Variants in DAB1 observed in about 807,000 individuals in gnomAD.
DAB1 encodes DAB adaptor protein 1.
In DAB1, 15 loss-of-function variants were observed where a neutral mutation model predicts 64.6. That is an observed-to-expected ratio of 0.23 (90% CI 0.16 to 0.36). DAB1 has a LOEUF of 0.36. Among genes scored for constraint, DAB1 ranks in the 10% least tolerant of loss-of-function variants. The probability of loss-of-function intolerance (pLI) is 1.00; values close to 1 mark genes in which losing one functional copy is unlikely to be tolerated. For missense variants in DAB1, 596 were observed against 706.7 expected (o/e 0.84, Z 1.78); for synonymous variants, 235 against 251.9 (o/e 0.93, Z 0.64).
At chr1:57,327,497 G>A (rs989434201) in intron 1 of DAB1, among the ~76,000 whole-genome samples, 11 of 152,018 alleles carry the variant, frequency 7.2e-5, no homozygotes, top group South Asian at 2.1e-4. Context: ...CCAATCCTCC[G>A]GACGGCAGAT....
At position 57,528,508 on chromosome 1, in the gene DAB1, A is replaced by AT. The variant is rs557980047; in HGVS notation, n.625+121083dup. 1.7e-3 allele frequency among the ~76,000 whole-genome samples: 261 copies of AT among 152,182 alleles called. 1 individual carries two copies. Among genetic ancestry groups the AT allele is most frequent in the African/African-American group, 5.8e-3 (242 of 41,542 alleles). The stretch of plus-strand genomic sequence containing the variant: ...TTAGCTGAAGCATTTTCCAAATTTG[A>AT]TTTTTTAAAACGTGTATGCCAAGAA... On this transcript the variant is annotated intron_variant and non_coding_transcript_variant, in intron 7 of 20. Coordinates refer to the DAB1 transcript ENST00000485760.
At chr1:58,215,875 T>C (rs1014136206) in intron 4 of DAB1, among the ~76,000 whole-genome samples, 7 of 152,144 alleles carry the variant, frequency 4.6e-5, no homozygotes, top group African/African-American at 1.7e-4. Flanking sequence ...AGACTTCTCT[T>C]GAGAATGCAG....
chr1:57,069,455 T>A lies in DAB1; in HGVS notation c.598-30A>T, dbSNP rs1467595275. The A allele has an allele frequency of 1.9e-6, 3 of 1,584,164 alleles. No individual in the cohort carries two copies. In the Admixed American group the frequency reaches 5.0e-5, roughly 27 times the overall value. ...TACAGGAGCAGCCAGAAAGGAAAGG[T>A]CAGAGGTGAAAAAGAAGAAAGGTAA... On this transcript the variant is annotated intron_variant, in intron 7 of 14. Transcript: ENST00000371236.
intron 9 of DAB1, among the ~76,000 whole-genome samples, chr1:57,035,182 G>A (rs750725940): frequency 5.9e-5 from 9 of 152,078 alleles, no homozygotes; most frequent in Admixed American, 1.3e-4. Flanking sequence ...AGGTTATGTC[G>A]CTACATCCTT....
chr1:57,904,399 A>G (rs1644519790), intron 5 of DAB1, among the ~76,000 whole-genome samples: 1 of 152,166 alleles, frequency 6.6e-6, no homozygotes, highest in African/African-American at 2.4e-5. Flanking sequence ...TACGTCCACT[A>G]TTGTTTAAGG....
chr1:57,922,389 G>T (rs944306977), intron 5 of DAB1, among the ~76,000 whole-genome samples: 1 of 152,014 alleles, frequency 6.6e-6, no homozygotes, highest in South Asian at 2.1e-4. Context: ...AAGGAAAGAA[G>T]AAAGGAGGGG....
intron 5 of DAB1, among the ~76,000 whole-genome samples, chr1:58,140,066 CT>C (rs1654191636): frequency 6.6e-6 from 1 of 152,192 alleles, no homozygotes; most frequent in African/African-American, 2.4e-5. Context: ...CCTCCCACCC[CT>C]ACCGTACTAC....
intron 7 of DAB1, among the ~76,000 whole-genome samples, chr1:57,642,440 C>T (rs1471746665): frequency 1.3e-5 from 2 of 152,144 alleles, no homozygotes; most frequent in Non-Finnish European, 2.9e-5. Context: ...TCTGGCACCA[C>T]TCTGTAATAA....
intron 3 of DAB1, chr1:58,462,842 G>A (rs1645257107): frequency 6.6e-6 from 1 of 152,114 alleles, no homozygotes; most frequent in South Asian, 2.1e-4. Context: ...GTTATTGTAC[G>A]GATTGAAAGA....
intron 3 of DAB1, among the ~76,000 whole-genome samples, chr1:57,144,976 G>A (rs920560816): frequency 2.0e-5 from 3 of 152,012 alleles, no homozygotes; most frequent in African/African-American, 7.2e-5. Flanking sequence ...TAAAATGTGG[G>A]TGACAAAACA....
intron 9 of DAB1, among the ~76,000 whole-genome samples, chr1:57,038,554 C>T (rs1557603400): frequency 6.6e-6 from 1 of 152,124 alleles, no homozygotes; most frequent in Non-Finnish European, 1.5e-5. Context: ...ATGATTGAGA[C>T]GTTGCCTCTA....
chr1:57,963,350 G>A (rs1645572311), intron 5 of DAB1, among the ~76,000 whole-genome samples: 1 of 152,130 alleles, frequency 6.6e-6, no homozygotes, highest in Admixed American at 6.5e-5. Flanking sequence ...AAGGCACCTT[G>A]GAAAAAGTGA....
intron 5 of DAB1, among the ~76,000 whole-genome samples, chr1:57,921,130 A>G (rs1275584779): frequency 1.3e-5 from 2 of 152,240 alleles, no homozygotes; most frequent in Non-Finnish European, 2.9e-5. Flanking sequence ...AAAATGAAGT[A>G]TTTCTATATG....
At chr1:57,203,115 A>C (rs1156867457) in intron 2 of DAB1, among the ~76,000 whole-genome samples, 1 of 152,190 alleles carries the variant, frequency 6.6e-6, no homozygotes, top group African/African-American at 2.4e-5. Flanking sequence ...AAACAGTGGG[A>C]ACAGAGGAAC....
chr1:57,941,627 G>A (rs1007734580), intron 5 of DAB1, among the ~76,000 whole-genome samples: 1 of 152,182 alleles, frequency 6.6e-6, no homozygotes, highest in South Asian at 2.1e-4. Context: ...ACGAGGTCAG[G>A]AGATCGAGAC....
chr1:57,594,956 C>A (rs1309179066), intron 7 of DAB1, among the ~76,000 whole-genome samples: 1 of 151,952 alleles, frequency 6.6e-6, no homozygotes, highest in South Asian at 2.1e-4. Context: ...ATGATCCACC[C>A]GCCTCAGCCT....
chr1:57,148,910 A>G (rs1490468564), intron 2 of DAB1, among the ~76,000 whole-genome samples: 3 of 152,204 alleles, frequency 2.0e-5, no homozygotes, highest in Non-Finnish European at 4.4e-5. Flanking sequence ...GGTTTAGTAT[A>G]GTCACAGAAT....
At chr1:58,447,773 A>G (rs2100284699) in intron 3 of DAB1, among the ~76,000 whole-genome samples, 1 of 152,234 alleles carries the variant, frequency 6.6e-6, no homozygotes, top group African/African-American at 2.4e-5. Context: ...TCTTATTTGA[A>G]CATGGTAAGA....
chr1:58,085,699 T>TA lies in DAB1; in HGVS notation n.387+64811dup, dbSNP rs113315429. 7.3e-3 allele frequency among the ~76,000 whole-genome samples: 1,083 copies of TA among 149,246 alleles called. 4 individuals are homozygous for TA. Among genetic ancestry groups the TA allele is most frequent in the African/African-American group, 0.013 (521 of 40,712 alleles). On this transcript the variant is annotated intron_variant and non_coding_transcript_variant, in intron 5 of 20. Transcript: ENST00000485760. Reference sequence around the variant, plus strand: ...TTTTTTAAATACAATCAGTCTCTTTTAAAAAAAAAAGTATTAAAATCTCTC... The same window carrying TA: ...TTTTTTAAATACAATCAGTCTCTTTTAAAAAAAAAAAGTATTAAAATCTCTC...
Sources: allele counts gnomAD v4.1 joint callset (sites outside exome capture counted in the v4.1 genomes callset), GRCh38; gene constraint gnomAD v4.1.1; transcripts MANE v1.5; gene names NCBI Gene and HGNC (gene_info 2026-07-23, HGNC 2026-07-21).